The following DNAAF9 variants were observed in gnomAD, a reference collection of about 807,000 sequenced individuals.
DNAAF9 encodes dynein axonemal assembly factor 9, also known as shulin.
In DNAAF9, 90 loss-of-function variants were observed where a neutral mutation model predicts 167.0. The ratio of observed to expected loss-of-function variants is 0.54; its 90% CI spans 0.45 to 0.64. The LOEUF (loss-of-function observed/expected upper bound fraction) is 0.64, where lower values mean the gene tolerates loss of function less well. Ranked by LOEUF, DNAAF9 falls within the 30% of genes least tolerant of loss-of-function variation. The probability of loss-of-function intolerance (pLI) is 0.00; values close to 1 mark genes in which losing one functional copy is unlikely to be tolerated. For synonymous variants in DNAAF9, 491 were observed against 508.8 expected (o/e 0.96, Z 0.47); for missense variants, 1,315 against 1,442.2 (o/e 0.91, Z 1.43).
At chr20:3,405,870 A>C (rs983951325) in intron 1 of DNAAF9, among the ~76,000 whole-genome samples, 1 of 152,218 alleles carries the variant, frequency 6.6e-6, no homozygotes, top group Non-Finnish European at 1.5e-5. Context: ...GGCTGTTCTA[A>C]AGTATCCTAT....
intron 6 of DNAAF9, among the ~76,000 whole-genome samples, chr20:3,364,458 A>G (rs774398602): frequency 2.0e-5 from 3 of 152,182 alleles, no homozygotes; most frequent in Admixed American, 6.5e-5. Flanking sequence ...GCCACTGCTC[A>G]GTCTAGGGTT....
At chr20:3,390,486 C>T (rs946983890) in intron 1 of DNAAF9, among the ~76,000 whole-genome samples, 1 of 151,954 alleles carries the variant, frequency 6.6e-6, no homozygotes, top group Non-Finnish European at 1.5e-5. Context: ...CTGCCTCAGC[C>T]TCCCTGTAGC....
At chr20:3,377,984 T>C (rs571551840) in intron 3 of DNAAF9, among the ~76,000 whole-genome samples, 1 of 152,226 alleles carries the variant, frequency 6.6e-6, no homozygotes, top group African/African-American at 2.4e-5. Context: ...CTTTCAAATG[T>C]TGACAGCAAG....
intron 35 of DNAAF9, among the ~76,000 whole-genome samples, chr20:3,254,204 G>A (rs548544285): frequency 6.6e-5 from 10 of 152,112 alleles, no homozygotes; most frequent in African/African-American, 1.9e-4. Flanking sequence ...TCAGCCTCCC[G>A]AGTAGCTGGG....
At chr20:3,267,691 C>A (rs1192331978) in intron 30 of DNAAF9, among the ~76,000 whole-genome samples, 1 of 151,992 alleles carries the variant, frequency 6.6e-6, no homozygotes, top group Admixed American at 6.6e-5. Flanking sequence ...AAAAATTAGT[C>A]TGGTATGGTG....
intron 31 of DNAAF9, among the ~76,000 whole-genome samples, chr20:3,261,504 A>T (rs1235023520): frequency 4.6e-5 from 7 of 151,400 alleles, no homozygotes; most frequent in African/African-American, 1.7e-4. Context: ...AGTAGCTGGG[A>T]TTACAGGTGC....
At chr20:3,324,563 T>C (rs6139076) in intron 14 of DNAAF9, among the ~76,000 whole-genome samples, 37,999 of 152,096 alleles carry the variant, frequency 0.25, 5,344 homozygotes, top group African/African-American at 0.37. Context: ...CCCAGGGCCC[T>C]CTGCCCCTAG....
chr20:3,307,056 A>G (rs2069311694), intron 20 of DNAAF9: 2 of 985,322 alleles, frequency 2.0e-6, no homozygotes, highest in East Asian at 1.1e-4. Flanking sequence ...TCCTGGACAA[A>G]GCTCAAAATC....
At chr20:3,358,428 C>T (rs532950811) in intron 7 of DNAAF9, among the ~76,000 whole-genome samples, 2 of 152,020 alleles carry the variant, frequency 1.3e-5, no homozygotes, top group African/African-American at 2.4e-5. Flanking sequence ...GGATTACAGG[C>T]GCGTGCCATT....
intron 6 of DNAAF9, among the ~76,000 whole-genome samples, chr20:3,364,237 T>G (rs1465272811): frequency 1.3e-5 from 2 of 152,258 alleles, no homozygotes; most frequent in Non-Finnish European, 2.9e-5. Context: ...TTTTGAAGAC[T>G]GATTACCTCA....
At chr20:3,349,197 AAAAAAAC>A (rs1308740001) in intron 7 of DNAAF9, among the ~76,000 whole-genome samples, 13 of 140,286 alleles carry the variant, frequency 9.3e-5, no homozygotes, top group Admixed American at 6.6e-4. Flanking sequence ...TCTACCAAAA[AAAAAAAC>A]AAAAAAAAAA....
chr20:3,310,344 AGAAAGAAAGAAAGAAAGAAAG>A (rs1191153242), intron 20 of DNAAF9, among the ~76,000 whole-genome samples: 6 of 103,090 alleles, frequency 5.8e-5, no homozygotes, highest in Non-Finnish European at 1.3e-4. Context: ...AAAGAAAGAA[AGAAAGAAAGAAAGAAAGAAAG>A]AAAGAAAGAA....
At chr20:3,318,137 G>GTT (rs2069540835) in intron 17 of DNAAF9, 152 bp downstream of exon 17, 1 of 290,026 alleles carries the variant, frequency 3.4e-6, no homozygotes. Flanking sequence ...GGGTCTCACT[G>GTT]TGTCACTGAG....
chr20:3,262,965 C>CT (rs796491974), intron 31 of DNAAF9, among the ~76,000 whole-genome samples: 5,365 of 81,350 alleles, frequency 0.066, 1,220 homozygotes, highest in Non-Finnish European at 0.093. Flanking sequence ...CATAGCAGAT[C>CT]TTTTTTTTTT....
intron 29 of DNAAF9, among the ~76,000 whole-genome samples, chr20:3,271,361 C>T (rs2068589114): frequency 6.6e-6 from 1 of 152,108 alleles, no homozygotes; most frequent in African/African-American, 2.4e-5. Flanking sequence ...AGATTTTAGT[C>T]ACGTGGTAAG....
rs2083730871 is a variant in DNAAF9, at chr20:3,386,027, G to T, written c.84-3521C>A. On this transcript the variant is annotated intron_variant, in intron 1 of 36. Transcript: ENST00000252032. Reference sequence around the variant, plus strand: ...ACATAAGCCAGGAACAGTGATACAGGTCTTAGTCTCAGCTACTAGGAGGCT... The same window carrying T: ...ACATAAGCCAGGAACAGTGATACAGTTCTTAGTCTCAGCTACTAGGAGGCT... Among the ~76,000 whole-genome samples, 4 of 152,124 alleles carry T rather than the reference G, an allele frequency of 2.6e-5. No individual in the cohort carries two copies. In the South Asian group the frequency reaches 8.3e-4, roughly 31 times the overall value.
intron 8 of DNAAF9, among the ~76,000 whole-genome samples, chr20:3,346,598 A>G (rs1486237993): frequency 2.6e-5 from 4 of 152,186 alleles, no homozygotes; most frequent in Non-Finnish European, 4.4e-5. Context: ...CTACCCTTCA[A>G]TGTTAGAAAG....
At chr20:3,255,072 C>T (rs865880726) in intron 35 of DNAAF9, 147 bp downstream of exon 35, 9 of 591,850 alleles carry the variant, frequency 1.5e-5, no homozygotes, top group Admixed American at 5.4e-5. Context: ...GAATTCTGTA[C>T]GCAGCTTCCC....
chr20:3,368,807 T>C (rs910438432), intron 6 of DNAAF9, among the ~76,000 whole-genome samples: 9 of 149,540 alleles, frequency 6.0e-5, no homozygotes, highest in Admixed American at 2.0e-4. Context: ...CATGAGCCAC[T>C]GCGCCCGGCC....
Sources: allele counts gnomAD v4.1 joint callset (sites outside exome capture counted in the v4.1 genomes callset), GRCh38; gene constraint gnomAD v4.1.1; transcripts MANE v1.5; gene names NCBI Gene and HGNC (gene_info 2026-07-23, HGNC 2026-07-21).